The following FBN2 variants were observed in gnomAD, a reference collection of about 807,000 sequenced individuals.
FBN2 encodes fibrillin 2.
FBN2 carries 105 observed loss-of-function variants against 355.6 expected under a neutral mutation model. The ratio of observed to expected loss-of-function variants is 0.30; its 90% confidence interval spans 0.25 to 0.35. FBN2 has a LOEUF of 0.35. Ranked by LOEUF, FBN2 falls within the 10% of genes least tolerant of loss-of-function variation. The pLI, the probability that FBN2 is intolerant of heterozygous loss-of-function variation, is 1.00. For missense variants in FBN2, 3,280 were observed against 3,758.7 expected, an observed-to-expected ratio of 0.87 and a Z score of 3.33; for synonymous variants, 1,350 against 1,301.2, an observed-to-expected ratio of 1.04 and a Z score of -0.81.
At chr5:128,387,622 G>A (rs1050282870) in intron 11 of FBN2, among the ~76,000 whole-genome samples, 3 of 152,094 alleles carry the variant, frequency 2.0e-5, no homozygotes, top group African/African-American at 7.2e-5. Context: ...TCTTAACACT[G>A]CTTTAGCTGT....
intron 5 of FBN2, among the ~76,000 whole-genome samples, chr5:128,498,226 G>A (rs1306433744): frequency 6.6e-6 from 1 of 152,230 alleles, no homozygotes; most frequent in East Asian, 1.9e-4. Context: ...GGAAGTTACT[G>A]AAGAGTCTGG....
intron 6 of FBN2, among the ~76,000 whole-genome samples, chr5:128,451,552 C>T (rs372334855): frequency 6.6e-6 from 1 of 152,122 alleles, no homozygotes; most frequent in African/African-American, 2.4e-5. Context: ...AGGCATGAGA[C>T]ACCTCATCCG....
chr5:128,471,518 G>A (rs1754859379), intron 5 of FBN2, among the ~76,000 whole-genome samples: 1 of 151,924 alleles, frequency 6.6e-6, no homozygotes, highest in South Asian at 2.1e-4. Context: ...TTAGAATTAA[G>A]TACAAAAATG....
chr5:128,426,670 G>C (rs941457072), intron 7 of FBN2, among the ~76,000 whole-genome samples: 1 of 152,116 alleles, frequency 6.6e-6, no homozygotes, highest in Non-Finnish European at 1.5e-5. Context: ...TCTTCCTAGG[G>C]TGAGCATCCC....
In FBN2 at chr5:128,461,568, G is replaced by A. The variant is rs576235632; in HGVS notation, c.826+3156C>T. ...ATGCACACATATGTTTATTGCAGCA[G>A]TATTTACAATAGCAAAGACATGGAA... On this transcript the variant is annotated intron_variant, in intron 6 of 64. Coordinates refer to ENST00000262464, the MANE Select transcript of FBN2 (RefSeq NM_001999.4). 5.3e-5 allele frequency among the ~76,000 whole-genome samples: 8 copies of A among 152,222 alleles called. No individual in the cohort carries two copies. The South Asian group carries it at 1.7e-3, about 32-fold the overall frequency.
chr5:128,332,061 T>C (rs1285373723), intron 32 of FBN2, among the ~76,000 whole-genome samples: 7 of 152,234 alleles, frequency 4.6e-5, no homozygotes, highest in East Asian at 1.9e-4. Flanking sequence ...TCAAATTCTA[T>C]AGTCAGTACA....
chr5:128,472,383 G>T (rs1201353365), intron 5 of FBN2, among the ~76,000 whole-genome samples: 1 of 152,144 alleles, frequency 6.6e-6, no homozygotes, highest in Non-Finnish European at 1.5e-5. Context: ...AAGGCTTACT[G>T]TTTGTTTGAG....
intron 5 of FBN2, among the ~76,000 whole-genome samples, chr5:128,501,049 C>T (rs1755795775): frequency 6.6e-6 from 1 of 152,082 alleles, no homozygotes; most frequent in Non-Finnish European, 1.5e-5. Flanking sequence ...AAGCCCCTTA[C>T]AATCACAATA....
chr5:128,301,396 C>T lies in FBN2; in HGVS notation c.6032G>A (p.Gly2011Asp). The T allele has an allele frequency of 6.2e-7, 1 of 1,613,086 alleles. No individual in the cohort carries two copies. Among genetic ancestry groups the T allele is most frequent in the Non-Finnish European group, 8.5e-7 (1 of 1,179,286 alleles). Reference sequence around the variant, plus strand: ...TAAATACTTACCTATACAGTTTTTGCCATCTGGGGTAAGTTCATAACCTTC... The same window carrying T: ...TAAATACTTACCTATACAGTTTTTGTCATCTGGGGTAAGTTCATAACCTTC... ...CNEGYELTPDGKNCIDTNECV... is the reference protein window; with the variant it reads ...CNEGYELTPDDKNCIDTNECV... The change falls in exon 47 of 65, where the codon GGC becomes GAC. Residue 2011 changes from glycine to aspartate, a missense_variant. Gly to Asp is a moderately conservative substitution (Grantham distance 94, BLOSUM62 -1). Around this residue, in one of 6 missense-constraint regions of FBN2, gnomAD observed 2,284 missense variants for 2,749.5 expected, o/e 0.83. Transcript: ENST00000262464.
intron 35 of FBN2, 104 bp from the exon 36 acceptor site, chr5:128,318,375 G>C (rs1454165789): frequency 1.4e-5 from 16 of 1,130,290 alleles, no homozygotes; most frequent in East Asian, 4.7e-5. Context: ...GTAGATTAAA[G>C]ATCACTAGGA....
rs543985959 is a variant in FBN2, at chr5:128,491,181, A to G, written c.629-26260T>C. On this transcript the variant is annotated intron_variant, in intron 5 of 64. Transcript: ENST00000262464. ...GAAAGGACTTCTTTTTCAAGTTACA[A>G]TTAAGAAAGAACACACACAGTCTGT... 1.2e-4 allele frequency among the ~76,000 whole-genome samples: 19 copies of G among 152,326 alleles called. No homozygotes were observed. The South Asian group carries it at 3.9e-3, about 32-fold the overall frequency.
At chr5:128,333,667 AGTGTGTGTGTGTGCGT>A (rs1750752369) in intron 31 of FBN2, among the ~76,000 whole-genome samples, 1 of 151,484 alleles carries the variant, frequency 6.6e-6, no homozygotes, top group South Asian at 2.1e-4. Context: ...TGCTTTCGCC[AGTGTGTGTGTGTGCGT>A]GTGTGTGTGT....
At chr5:128,484,830 G>A (rs1040141789) in intron 5 of FBN2, among the ~76,000 whole-genome samples, 2 of 152,130 alleles carry the variant, frequency 1.3e-5, no homozygotes, top group Non-Finnish European at 2.9e-5. Context: ...CAGAGTCCAG[G>A]CTCTTGTGCA....
At position 128,261,797 on chromosome 5, in the gene FBN2, T is replaced by C. The variant is rs1764982527; in HGVS notation, c.8303A>G (p.Asn2768Ser). 1 of 1,614,112 alleles carries C rather than the reference T, an allele frequency of 6.2e-7. No individual in the cohort carries two copies. The highest frequency in any genetic ancestry group is 8.5e-7 in the Non-Finnish European group (1 of 1,180,032). ...CCTGCTGTCTTTCTTAGAATAGCCG[T>C]TGATTTTGCACTCGTAGCATGCTTC... ...SPEACYECKINGYSKKDSRQK... is the reference protein window; with the variant it reads ...SPEACYECKISGYSKKDSRQK... Residue 2768 changes from asparagine (N) to serine (S), a missense_variant, in exon 64 of 65, where the codon AAC becomes AGC. Around this residue, in one of 6 missense-constraint regions of FBN2, gnomAD observed 311 missense variants for 319.1 expected, o/e 0.97. Transcript: ENST00000262464.
chr5:128,527,452 G>C (rs989912863), intron 4 of FBN2, among the ~76,000 whole-genome samples: 1 of 152,076 alleles, frequency 6.6e-6, no homozygotes, highest in African/African-American at 2.4e-5. Context: ...TTAATTTTGA[G>C]AAGTTCTAAA....
intron 55 of FBN2, 40 bp from the exon 56 acceptor site, chr5:128,280,357 C>G: frequency 6.6e-7 from 1 of 1,519,134 alleles, no homozygotes; most frequent in Non-Finnish European, 9.1e-7. Flanking sequence ...AGAAAACTGT[C>G]AAATTATAGT....
chr5:128,366,614 A>C (rs1013922107), intron 16 of FBN2, among the ~76,000 whole-genome samples, 184 bp from the exon 17 acceptor site: 1 of 152,102 alleles, frequency 6.6e-6, no homozygotes, highest in Non-Finnish European at 1.5e-5. Flanking sequence ...AATAAGCATA[A>C]AAGAGTAAAA....
chr5:128,480,691 C>T (rs1022345987), intron 5 of FBN2, among the ~76,000 whole-genome samples: 11 of 152,130 alleles, frequency 7.2e-5, no homozygotes, highest in African/African-American at 2.2e-4. Context: ...CCAAGATTGT[C>T]GCCAGCCTGG....
At chr5:128,281,625 T>C (rs1765546945) in intron 55 of FBN2, among the ~76,000 whole-genome samples, 2 of 152,188 alleles carry the variant, frequency 1.3e-5, no homozygotes, top group Non-Finnish European at 2.9e-5. Context: ...TTGGTCCACT[T>C]ATATTATTTC....
Sources: gnomAD v4.1 joint callset for allele counts (sites outside exome capture counted in the v4.1 genomes callset) on GRCh38, gnomAD v4.1.1 for gene constraint, gnomAD v4.1.1 regional missense constraint, MANE v1.5 for transcripts, NCBI Gene and HGNC (gene_info 2026-07-23, HGNC 2026-07-21) for gene names.